RBM25: variants seen among roughly 807,000 people sequenced by gnomAD.
RBM25 encodes the protein RNA binding motif protein 25.
In RBM25, 19 loss-of-function variants were observed where a neutral mutation model predicts 120.7. The observed-to-expected ratio is 0.16, with a 90% CI of 0.11 to 0.23. RBM25 has a LOEUF of 0.23. Among genes scored for constraint, RBM25 ranks in the 10% least tolerant of loss-of-function variants. The probability of loss-of-function intolerance (pLI) is 1.00; values close to 1 mark genes in which losing one functional copy is unlikely to be tolerated. For synonymous variants in RBM25, 390 were observed against 326.7 expected (o/e 1.19, Z -2.09); for missense variants, 605 against 1,041.5 (o/e 0.58, Z 5.77).
At chr14:73,111,364 G>A in intron 15 of RBM25, 164 bp from the exon 16 acceptor site, 1 of 930,488 alleles carries the variant, frequency 1.1e-6, no homozygotes, top group South Asian at 1.8e-5. Context: ...GAAGTGAAAA[G>A]TTTAATTTTC....
intron 1 of RBM25, among the ~76,000 whole-genome samples, chr14:73,071,261 AT>A (rs1895284055): frequency 1.4e-5 from 2 of 144,290 alleles, no homozygotes; most frequent in Admixed American, 1.4e-4. Context: ...AAAAAAAAAA[AT>A]CAGAACACTT....
At chr14:73,088,224 C>T (rs756133918) in intron 6 of RBM25, 63 bp downstream of exon 6, 38 of 1,577,480 alleles carry the variant, frequency 2.4e-5, no homozygotes, top group Non-Finnish European at 3.3e-5. Flanking sequence ...TAGTGCTTCT[C>T]ATTATAAATG....
Position 73,118,748 on chromosome 14 carries a change from C to T in RBM25, c.2440-965C>T, listed in dbSNP as rs534218502. Among the ~76,000 whole-genome samples the T allele has an allele frequency of 8.6e-5, 13 of 151,634 alleles. No homozygotes were observed. In the South Asian group the frequency reaches 1.0e-3, roughly 12 times the overall value. ...ATTTTGAATGATTTTTTTTTGTTGT[C>T]GTTGTTAATTTACATTTACTATTTA... On this transcript the variant is annotated intron_variant, in intron 18 of 18. Coordinates refer to ENST00000261973, the MANE Select transcript of RBM25 (RefSeq NM_021239.3).
At chr14:73,112,673 C>G (rs165936) in intron 17 of RBM25, among the ~76,000 whole-genome samples, 42,143 of 151,996 alleles carry the variant, frequency 0.28, 6,397 homozygotes, top group East Asian at 0.43. Flanking sequence ...AGTCACCCAT[C>G]CTTTGGATAG....
intron 4 of RBM25, among the ~76,000 whole-genome samples, chr14:73,083,019 G>A (rs1200505654): frequency 6.6e-6 from 1 of 152,118 alleles, no homozygotes; most frequent in African/African-American, 2.4e-5. Flanking sequence ...GGCAGAGGTT[G>A]CAGTGACCCA....
At chr14:73,100,559 A>G (rs1896036516) in intron 9 of RBM25, 1 of 400,452 alleles carries the variant, frequency 2.5e-6, no homozygotes, top group African/African-American at 2.0e-5. Context: ...TGAACGGTGC[A>G]ATGCAAACAC....
intron 18 of RBM25, 43 bp from the exon 19 acceptor site, chr14:73,119,670 G>A (rs1328139483): frequency 6.2e-7 from 1 of 1,605,704 alleles, no homozygotes; most frequent in South Asian, 1.1e-5. Flanking sequence ...AGATGTTGAT[G>A]ATTGCTTCTC....
intron 18 of RBM25, among the ~76,000 whole-genome samples, chr14:73,118,649 C>CT (rs1475417425): frequency 6.6e-6 from 1 of 152,016 alleles, no homozygotes; most frequent in African/African-American, 2.4e-5. Context: ...ATTGCAGTAT[C>CT]TGTAAAGGTA....
intron 17 of RBM25, among the ~76,000 whole-genome samples, chr14:73,112,626 T>C (rs1896334849): frequency 6.6e-6 from 1 of 152,154 alleles, no homozygotes. Flanking sequence ...TTGAGATTTT[T>C]TGGACGTAGC....
intron 1 of RBM25, among the ~76,000 whole-genome samples, chr14:73,060,860 C>T (rs1894987357): frequency 1.3e-5 from 2 of 151,440 alleles, no homozygotes; most frequent in South Asian, 4.2e-4. Context: ...TCATAGGTTT[C>T]TTCTGAAATG....
At chr14:73,082,532 C>T (rs1895587172) in intron 4 of RBM25, among the ~76,000 whole-genome samples, 2 of 152,128 alleles carry the variant, frequency 1.3e-5, no homozygotes. Context: ...CTCAAGCAAT[C>T]CTTCCACATC....
intron 5 of RBM25, among the ~76,000 whole-genome samples, chr14:73,085,743 G>A (rs543853366): frequency 6.6e-6 from 1 of 152,230 alleles, no homozygotes; most frequent in South Asian, 2.1e-4. Context: ...CACCATGCCT[G>A]GCATAGAGGC....
At chr14:73,093,439 A>C (rs1306316687) in intron 6 of RBM25, among the ~76,000 whole-genome samples, 1 of 152,156 alleles carries the variant, frequency 6.6e-6, no homozygotes, top group Non-Finnish European at 1.5e-5. Context: ...ATTACAGATA[A>C]TCTGTCAGCT....
chr14:73,068,163 C>T (rs918206164), intron 1 of RBM25: 2 of 842,708 alleles, frequency 2.4e-6, no homozygotes, highest in African/African-American at 3.4e-5. Flanking sequence ...GTCCTGGATG[C>T]TTTAGTGGTC....
At chr14:73,086,363 G>A (rs1249577678) in intron 5 of RBM25, among the ~76,000 whole-genome samples, 2 of 151,642 alleles carry the variant, frequency 1.3e-5, no homozygotes, top group South Asian at 2.1e-4. Context: ...GCTTCAACCC[G>A]GGAGGCAGAG....
intron 4 of RBM25, among the ~76,000 whole-genome samples, chr14:73,081,059 C>T (rs1895551294): frequency 6.6e-6 from 1 of 151,662 alleles, no homozygotes; most frequent in African/African-American, 2.4e-5. Flanking sequence ...TCCTGACCTC[C>T]AGTGATCTCC....
In RBM25 at chr14:73,080,213, C is replaced by CTTT. The variant is rs766461418; in HGVS notation, c.324+2703_324+2705dup. 1.6e-3 allele frequency among the ~76,000 whole-genome samples: 105 copies of CTTT among 67,188 alleles called. 16 individuals carry two copies. The highest frequency in any genetic ancestry group is 6.7e-3 in the East Asian group (13 of 1,946). 44.1% of individuals were successfully genotyped at this position (67,188 alleles called of 152,430 possible). ...TGTCCGAGTTTCTATTCTTACACAT[C>CTTT]TTTTTTTTTTTTTTTTTTTTTTTTT... is the stretch of plus-strand genomic sequence containing the variant. On this transcript the variant is annotated intron_variant, in intron 4 of 18. Coordinates refer to ENST00000261973, the MANE Select transcript of RBM25 (RefSeq NM_021239.3).
At chr14:73,115,020 A>G (rs866608990) in intron 18 of RBM25, among the ~76,000 whole-genome samples, 3 of 152,250 alleles carry the variant, frequency 2.0e-5, no homozygotes, top group African/African-American at 7.2e-5. Context: ...ATAGGTATAC[A>G]GGTACTGGAA....
chr14:73,084,238 C>A (rs1158389551), intron 5 of RBM25, among the ~76,000 whole-genome samples: 1 of 152,108 alleles, frequency 6.6e-6, no homozygotes, highest in Admixed American at 6.6e-5. Flanking sequence ...GATTCAGGAT[C>A]TATATGAAGT....
Sources: gnomAD v4.1 joint callset for allele counts (sites outside exome capture counted in the v4.1 genomes callset) on GRCh38, gnomAD v4.1.1 for gene constraint, MANE v1.5 for transcripts, NCBI Gene and HGNC (gene_info 2026-07-23, HGNC 2026-07-21) for gene names.